The following ZNF83 variants were observed in gnomAD, a reference collection of about 807,000 sequenced individuals.
ZNF83 encodes the protein zinc finger protein 816B.
For synonymous variants in ZNF83, 209 were observed against 213.0 expected, an observed-to-expected ratio of 0.98 and a Z score of 0.17; for missense variants, 552 against 629.9, an observed-to-expected ratio of 0.88 and a Z score of 1.32.
rs756047831 is a variant in ZNF83, at chr19:52,619,551, G to A, written c.-233-4754C>T. 5.9e-5 allele frequency among the ~76,000 whole-genome samples: 9 copies of A among 151,992 alleles called. No individual in the cohort carries two copies. In the East Asian group the frequency reaches 7.7e-4, roughly 13 times the overall value. On this transcript the variant is annotated intron_variant, in intron 2 of 2. Coordinates refer to ENST00000301096, the Ensembl canonical transcript of ZNF83. Reference sequence around the variant, plus strand: ...TGAGGCAGGAGAATTGCTTGAAGCCGGGAGGTAGAGGTTGCAGTGAGCCAA... The same window carrying A: ...TGAGGCAGGAGAATTGCTTGAAGCCAGGAGGTAGAGGTTGCAGTGAGCCAA...
At chr19:52,665,596 A>C (rs1275510441) in intron 1 of ZNF83, among the ~76,000 whole-genome samples, 1 of 151,998 alleles carries the variant, frequency 6.6e-6, no homozygotes, top group Non-Finnish European at 1.5e-5. Flanking sequence ...CTTCCTCATA[A>C]AGCAACCTTT....
chr19:52,664,219 G>A (rs902521779), intron 1 of ZNF83, among the ~76,000 whole-genome samples: 23 of 151,410 alleles, frequency 1.5e-4, no homozygotes, highest in Admixed American at 1.4e-3. Context: ...GAACAAGCTG[G>A]GTGTGGTGGC....
intron 2 of ZNF83, chr19:52,618,632 A>G: frequency 2.5e-6 from 1 of 393,736 alleles, no homozygotes; most frequent in Non-Finnish European, 4.5e-6. Context: ...CCTGACCTGA[A>G]GTGATCCACA....
At chr19:52,620,898 A>T (rs559561651) in intron 2 of ZNF83, among the ~76,000 whole-genome samples, 4 of 152,218 alleles carry the variant, frequency 2.6e-5, no homozygotes, top group African/African-American at 9.6e-5. Flanking sequence ...CCTCCCCACC[A>T]TGCACTTTGT....
intron 2 of ZNF83, among the ~76,000 whole-genome samples, chr19:52,626,178 C>A (rs1014648086): frequency 6.6e-6 from 1 of 152,210 alleles, no homozygotes; most frequent in African/African-American, 2.4e-5. Context: ...TCCACTATTG[C>A]CCTTGGAGCT....
chr19:52,638,390 C>CGGGGCCCGCGAGG (rs1555785837), upstream of ZNF83: 1 of 149,060 alleles, frequency 6.7e-6, no homozygotes, highest in East Asian at 2.0e-4. Context: ...GAAGCCAGGT[C>CGGGGCCCGCGAGG]TGGGCGGGGC....
rs55700493 is a variant in ZNF83, at chr19:52,620,254, C to CTCTGTGTG, written c.-233-5458_-233-5457insCACACAGA. On this transcript the variant is annotated intron_variant, in intron 2 of 2. Transcript: ENST00000301096. ...TATATGTATATATGTGTGTGTATAT[C>CTCTGTGTG]TGTGTGTGTATATCTCTGTGTGTGT... 2.5e-3 allele frequency among the ~76,000 whole-genome samples: 329 copies of CTCTGTGTG among 134,236 alleles called. 2 individuals carry two copies. The highest frequency in any genetic ancestry group is 2.8e-3 in the Non-Finnish European group (176 of 61,792). The allele number at this position is 134,236 out of a possible 152,430, so 88.1% of individuals were successfully genotyped here. A position where few individuals can be genotyped will look rare whatever the true frequency, so the allele number is the denominator to read the frequency against.
At chr19:52,659,010 C>T (rs2061542889) in intron 2 of ZNF83, among the ~76,000 whole-genome samples, 1 of 152,106 alleles carries the variant, frequency 6.6e-6, no homozygotes, top group South Asian at 2.1e-4. Context: ...CGATTGGGCA[C>T]CCAGCAGGAC....
chr19:52,687,988 C>T (rs969177954), intron 1 of ZNF83, among the ~76,000 whole-genome samples: 5 of 151,942 alleles, frequency 3.3e-5, no homozygotes, highest in African/African-American at 1.2e-4. Context: ...CAACTGGAAG[C>T]TAACCTCTGA....
At chr19:52,680,606 ATTTTTTTTTTTT>A (rs556558292) in intron 1 of ZNF83, among the ~76,000 whole-genome samples, 1 of 88,946 alleles carries the variant, frequency 1.1e-5, no homozygotes, top group East Asian at 3.9e-4. Flanking sequence ...TCCACAAAAT[ATTTTTTTTTTTT>A]TTTTTTTTTT....
chr19:52,680,656 A>G (rs1010459190), intron 1 of ZNF83, among the ~76,000 whole-genome samples: 1 of 114,366 alleles, frequency 8.7e-6, no homozygotes, highest in Non-Finnish European at 1.6e-5. Context: ...TCTGTCGCCC[A>G]GGCTGGAGTG....
intron 1 of ZNF83, among the ~76,000 whole-genome samples, chr19:52,679,594 G>A (rs192294932): frequency 7.0e-4 from 106 of 152,196 alleles, no homozygotes; most frequent in Non-Finnish European, 1.5e-3. Context: ...ATGGGTGACA[G>A]AGGGAGACTG....
intron 3 of ZNF83, among the ~76,000 whole-genome samples, chr19:52,647,640 C>A (rs888716105): frequency 1.0e-4 from 15 of 150,550 alleles, no homozygotes; most frequent in African/African-American, 3.4e-4. Context: ...TCATTCTCCC[C>A]TTCTCTCTCT....
intron 2 of ZNF83, among the ~76,000 whole-genome samples, chr19:52,622,285 A>G (rs142928318): frequency 6.6e-6 from 1 of 152,256 alleles, no homozygotes; most frequent in Non-Finnish European, 1.5e-5. Context: ...TCCCAAATTA[A>G]TCAACACTTA....
intron 1 of ZNF83, among the ~76,000 whole-genome samples, chr19:52,662,083 T>C (rs1239743976): frequency 6.6e-6 from 1 of 152,208 alleles, no homozygotes; most frequent in Non-Finnish European, 1.5e-5. Context: ...GGATGAGGTC[T>C]TGAAATATTT....
chr19:52,652,087 G>T (rs1351634574), intron 3 of ZNF83: 2 of 240,008 alleles, frequency 8.3e-6, no homozygotes, highest in Non-Finnish European at 8.3e-6. Flanking sequence ...TATTCCATTT[G>T]TAAGATTTCT....
At chr19:52,623,187 C>T (rs1452232880) in intron 2 of ZNF83, among the ~76,000 whole-genome samples, 1 of 152,218 alleles carries the variant, frequency 6.6e-6, no homozygotes, top group Non-Finnish European at 1.5e-5. Context: ...TCTTTGACTC[C>T]TTCCCAGATC....
At chr19:52,659,600 C>G (rs1374063200) in intron 2 of ZNF83, among the ~76,000 whole-genome samples, 1 of 123,484 alleles carries the variant, frequency 8.1e-6, no homozygotes, top group Non-Finnish European at 1.6e-5. Context: ...CTCAACAGAG[C>G]AAGACTCCAA....
At chr19:52,641,671 G>A (rs1347949308), upstream of ZNF83, among the ~76,000 whole-genome samples, 2 of 152,062 alleles carry the variant, frequency 1.3e-5, no homozygotes, top group Non-Finnish European at 2.9e-5. Context: ...AACTGATTTT[G>A]TGCTAGTTTT....
Sources: allele counts gnomAD v4.1 joint callset (sites outside exome capture counted in the v4.1 genomes callset), GRCh38; gene constraint gnomAD v4.1.1; transcripts MANE v1.5; gene names NCBI Gene and HGNC (gene_info 2026-07-23, HGNC 2026-07-21).